DNAJC12: variants seen among roughly 807,000 people sequenced by gnomAD.
The protein encoded by DNAJC12 is DnaJ heat shock protein family (Hsp40) member C12.
Under a neutral mutation model 28.5 loss-of-function variants are expected in DNAJC12, and 25 were observed. The observed-to-expected ratio is 0.88, with a 90% CI of 0.64 to 1.22. The LOEUF is 1.22. Ranked by LOEUF, DNAJC12 falls within the 50% of genes most tolerant of loss-of-function variation. The probability of loss-of-function intolerance (pLI) is 0.00; values close to 1 mark genes in which losing one functional copy is unlikely to be tolerated. For synonymous variants in DNAJC12, 77 were observed against 80.6 expected (o/e 0.95, Z 0.24); for missense variants, 222 against 231.7 (o/e 0.96, Z 0.27).
intron 3 of DNAJC12, among the ~76,000 whole-genome samples, chr10:67,807,005 T>C (rs1432868762): frequency 3.9e-5 from 6 of 152,180 alleles, no homozygotes; most frequent in Non-Finnish European, 8.8e-5. Flanking sequence ...GCTCACACCT[T>C]AATCCCAGCA....
chr10:67,826,277 G>C (rs1388964592), intron 1 of DNAJC12, among the ~76,000 whole-genome samples: 1 of 151,068 alleles, frequency 6.6e-6, no homozygotes, highest in East Asian at 2.0e-4. Flanking sequence ...TAGGACTACA[G>C]ACACAGGCAA....
At chr10:67,803,104 T>G (rs1368909726) in intron 4 of DNAJC12, among the ~76,000 whole-genome samples, 2 of 151,888 alleles carry the variant, frequency 1.3e-5, no homozygotes, top group African/African-American at 2.4e-5. Flanking sequence ...CCTCCCTAAT[T>G]GCTAGGACTA....
At chr10:67,834,150 A>G (rs575614787) in intron 1 of DNAJC12, 6 of 395,204 alleles carry the variant, frequency 1.5e-5, no homozygotes, top group South Asian at 8.2e-5. Flanking sequence ...AAGCTTTTAT[A>G]ATAAAATGCC....
chr10:67,823,893 T>C (rs1417435587), intron 1 of DNAJC12, among the ~76,000 whole-genome samples: 1 of 152,094 alleles, frequency 6.6e-6, no homozygotes, highest in African/African-American at 2.4e-5. Context: ...GTGATGACAA[T>C]TTAACTACTT....
chr10:67,810,573 C>T (rs1589605193), intron 3 of DNAJC12, among the ~76,000 whole-genome samples: 1 of 152,026 alleles, frequency 6.6e-6, no homozygotes. Context: ...AAACAAAAAG[C>T]AGAAACACAG....
At position 67,811,475 on chromosome 10, in the gene DNAJC12, G is replaced by T. The variant is rs751146848; in HGVS notation, c.297+49C>A. 1.3e-5 allele frequency: 21 copies of T among 1,611,204 alleles called. No homozygotes were observed. The South Asian group carries it at 2.2e-4, about 17-fold the overall frequency. ...AAGCTACTACATGAGTCTAATCCAT[G>T]GGCATCCTGAGCTTCACAAATTCAC... On this transcript the variant is annotated intron_variant, in intron 3 of 4. Coordinates refer to ENST00000225171, the MANE Select transcript of DNAJC12 (RefSeq NM_021800.3).
At chr10:67,803,979 AAG>A (rs1188769506) in intron 4 of DNAJC12, among the ~76,000 whole-genome samples, 10 of 152,210 alleles carry the variant, frequency 6.6e-5, no homozygotes, top group Admixed American at 1.3e-4. Flanking sequence ...GTTCTCCCCA[AAG>A]AGAGATTTGA....
intron 2 of DNAJC12, among the ~76,000 whole-genome samples, chr10:67,812,788 G>A (rs904727332): frequency 6.6e-6 from 1 of 151,448 alleles, no homozygotes; most frequent in African/African-American, 2.4e-5. Context: ...GGAGGCAGAG[G>A]TTGCAGTGAG....
chr10:67,802,711 G>A (rs1387809000), intron 4 of DNAJC12, among the ~76,000 whole-genome samples: 1 of 152,090 alleles, frequency 6.6e-6, no homozygotes, highest in Non-Finnish European at 1.5e-5. Flanking sequence ...CTGTTAAAAA[G>A]CAGGAATTCA....
rs34984906 is a variant in DNAJC12, at chr10:67,826,934, G to GAT, written c.79-3544_79-3543dup. 0.031 allele frequency among the ~76,000 whole-genome samples: 3,994 copies of GAT among 127,740 alleles called. 477 individuals carry two copies. The East Asian group carries it at 0.42, about 14-fold the overall frequency. The allele number at this position is 127,740 out of a possible 152,430, so 83.8% of individuals were successfully genotyped here. A position where few individuals can be genotyped will look rare whatever the true frequency, so the allele number is the denominator to read the frequency against. ...ATATGATATATAATATATATATCAT[G>GAT]ATATATATAATATATATCATGATTT... is the stretch of plus-strand genomic sequence containing the variant. On this transcript the variant is annotated intron_variant, in intron 1 of 4. Transcript: ENST00000225171.
At chr10:67,809,332 G>T (rs1033604023) in intron 3 of DNAJC12, among the ~76,000 whole-genome samples, 1 of 152,040 alleles carries the variant, frequency 6.6e-6, no homozygotes, top group Non-Finnish European at 1.5e-5. Flanking sequence ...ATTTCCCTAA[G>T]ATTCTCTGGA....
chr10:67,805,610 C>T lies in DNAJC12; in HGVS notation c.475G>A (p.Val159Ile). 1.9e-6 allele frequency: 3 copies of T among 1,610,270 alleles called. No homozygotes were observed. The highest frequency in any genetic ancestry group is 2.5e-6 in the Non-Finnish European group (3 of 1,178,934). The change falls in exon 4 of 5, where the codon GTC becomes ATC. Residue 159 changes from valine to isoleucine, a missense_variant. Transcript: ENST00000225171. ...QKEPKPLEKS[V>I]SPQNSDSSGF... ...GAAGAATCTGAATTTTGCGGGGAGACTGACTTCTCTAGGGGCTTGGGTTCT... is the reference window on the plus strand; with the variant it reads ...GAAGAATCTGAATTTTGCGGGGAGATTGACTTCTCTAGGGGCTTGGGTTCT...
At chr10:67,832,900 AC>A (rs1486271424) in intron 1 of DNAJC12, among the ~76,000 whole-genome samples, 1 of 152,162 alleles carries the variant, frequency 6.6e-6, no homozygotes, top group Admixed American at 6.6e-5. Flanking sequence ...CATTTCATGC[AC>A]CCCCACATGA....
chr10:67,802,125 A>G (rs757709808), intron 4 of DNAJC12, among the ~76,000 whole-genome samples: 1 of 151,946 alleles, frequency 6.6e-6, no homozygotes, highest in African/African-American at 2.4e-5. Context: ...CAGCCTCCCA[A>G]AGTTCTAGGA....
chr10:67,807,539 T>C (rs1841816069), intron 3 of DNAJC12, among the ~76,000 whole-genome samples: 1 of 152,168 alleles, frequency 6.6e-6, no homozygotes, highest in South Asian at 2.1e-4. Context: ...TTTGTTGTTT[T>C]GGTTTGGTTT....
In DNAJC12 at chr10:67,805,606, G is replaced by C; in HGVS notation, c.479C>G (p.Ser160Cys). Residue 160 changes from serine (S) to cysteine (C), a missense_variant, in exon 4 of 5, where the codon TCC becomes TGC. Ser to Cys is a moderately radical substitution (Grantham distance 112). Transcript: ENST00000225171. ...KEPKPLEKSVSPQNSDSSGFA... is the reference protein window; with the variant it reads ...KEPKPLEKSVCPQNSDSSGFA... ...ACCTGAAGAATCTGAATTTTGCGGG[G>C]AGACTGACTTCTCTAGGGGCTTGGG... 1 of 1,609,788 alleles carries C rather than the reference G, an allele frequency of 6.2e-7. No individual in the cohort carries two copies. Among genetic ancestry groups the C allele is most frequent in the Non-Finnish European group, 8.5e-7 (1 of 1,178,808 alleles).
At position 67,805,641 on chromosome 10, in the gene DNAJC12, C is replaced by T. The variant is rs1841792521; in HGVS notation, c.444G>A (p.Glu148=). ...EELASTAEKT[E]QKEPKPLEKS... ...TCTCTAGGGGCTTGGGTTCTTTCTG[C>T]TCCGTTTTCTCTGCGGTTGAAGCCA... The change falls in exon 4 of 5, where the codon GAG becomes GAA. Residue 148 remains glutamate (E), a synonymous_variant. Coordinates refer to ENST00000225171, the MANE Select transcript of DNAJC12 (RefSeq NM_021800.3). The T allele has an allele frequency of 6.2e-7, 1 of 1,613,354 alleles. No homozygotes were observed. The highest frequency in any genetic ancestry group is 1.3e-5 in the African/African-American group (1 of 74,866).
intron 2 of DNAJC12, among the ~76,000 whole-genome samples, chr10:67,817,419 G>T (rs536068154): frequency 4.6e-5 from 7 of 152,248 alleles, no homozygotes; most frequent in African/African-American, 1.7e-4. Context: ...CAACAGTTGA[G>T]ACTATATTTA....
At chr10:67,825,727 G>A (rs1422913080) in intron 1 of DNAJC12, 3 of 5,214 alleles carry the variant, frequency 5.8e-4, no homozygotes, top group African/African-American at 7.8e-4. Context: ...AAGTCAGACG[G>A]TATTAGATAC....
Sources: gnomAD v4.1 joint callset for allele counts (sites outside exome capture counted in the v4.1 genomes callset) on GRCh38, gnomAD v4.1.1 for gene constraint, MANE v1.5 for transcripts, NCBI Gene and HGNC (gene_info 2026-07-23, HGNC 2026-07-21) for gene names.